Variants in IGF1R observed in about 807,000 individuals in gnomAD.
The protein encoded by IGF1R is insulin like growth factor 1 receptor.
Under a neutral mutation model 144.6 loss-of-function variants are expected in IGF1R, and 44 were observed. That is an observed-to-expected ratio of 0.30 (90% CI 0.24 to 0.39). IGF1R has a LOEUF of 0.39. Among genes scored for constraint, IGF1R ranks in the 10% least tolerant of loss-of-function variants. The pLI is 1.00. For missense variants in IGF1R, 1,355 were observed against 1,833.7 expected (o/e 0.74, Z 4.77); for synonymous variants, 795 against 722.8 (o/e 1.10, Z -1.60).
chr15:98,675,631 A>G (rs572028581), intron 1 of IGF1R, among the ~76,000 whole-genome samples: 65 of 152,274 alleles, frequency 4.3e-4, no homozygotes, highest in African/African-American at 1.5e-3. Flanking sequence ...TACTCAAGTC[A>G]AAATCGGTTA....
intron 20 of IGF1R, among the ~76,000 whole-genome samples, chr15:98,949,884 C>T (rs1461630419): frequency 1.3e-5 from 2 of 152,048 alleles, no homozygotes; most frequent in Non-Finnish European, 2.9e-5. Context: ...GCAGGGAGGC[C>T]TTGTTGTCCT....
chr15:98,655,802 T>C (rs2052472405), intron 1 of IGF1R, among the ~76,000 whole-genome samples: 1 of 151,966 alleles, frequency 6.6e-6, no homozygotes, highest in Non-Finnish European at 1.5e-5. Flanking sequence ...TGATTCTGCC[T>C]TGACCTCCCA....
At chr15:98,947,482 C>T (rs1446438810) in intron 19 of IGF1R, among the ~76,000 whole-genome samples, 1 of 151,884 alleles carries the variant, frequency 6.6e-6, no homozygotes, top group Non-Finnish European at 1.5e-5. Context: ...CACCCTGCTC[C>T]CGCCCCTACT....
At chr15:98,822,374 G>C (rs2056818269) in intron 2 of IGF1R, among the ~76,000 whole-genome samples, 2 of 152,206 alleles carry the variant, frequency 1.3e-5, no homozygotes, top group African/African-American at 4.8e-5. Context: ...TTTTAGGCTT[G>C]AGATGGCTTT....
At chr15:98,767,147 A>G (rs896528605) in intron 2 of IGF1R, among the ~76,000 whole-genome samples, 5 of 152,078 alleles carry the variant, frequency 3.3e-5, no homozygotes, top group African/African-American at 4.8e-5. Flanking sequence ...TGTACTCCCT[A>G]GATCATTATT....
chr15:98,649,390 G>C lies in IGF1R; in HGVS notation c.-192G>C. On this transcript the variant is annotated 5_prime_UTR_variant, in exon 1 of 21. Coordinates refer to ENST00000650285, the MANE Select transcript of IGF1R (RefSeq NM_000875.5). Reference sequence around the variant, plus strand: ...GCTGAGGGGCCGCCCCGCGCCGCCCGCCCCGTCCGCGCACCCGGAGGGCCC... The same window carrying C: ...GCTGAGGGGCCGCCCCGCGCCGCCCCCCCCGTCCGCGCACCCGGAGGGCCC... The C allele has an allele frequency of 6.4e-6, 2 of 313,996 alleles. No individual in the cohort carries two copies. Among genetic ancestry groups the C allele is most frequent in the Non-Finnish European group, 1.1e-5 (2 of 176,708 alleles). 19.5% of individuals were successfully genotyped at this position (313,996 alleles called of 1,614,324 possible). A position where few individuals can be genotyped will look rare whatever the true frequency, so the allele number is the denominator to read the frequency against.
Position 98,649,514 on chromosome 15 carries a change from T to A in IGF1R, c.-68T>A. Reference sequence around the variant, plus strand: ...CTTGTTTCCTTTCATTTCCTTTTTTTCTTTTCTTTTCTTTTTTTTTTTTTT... The same window carrying A: ...CTTGTTTCCTTTCATTTCCTTTTTTACTTTTCTTTTCTTTTTTTTTTTTTT... On this transcript the variant is annotated 5_prime_UTR_variant, in exon 1 of 21. Transcript: ENST00000650285. 1.0e-6 allele frequency: 1 copy of A among 981,528 alleles called. No homozygotes were observed. Among genetic ancestry groups the A allele is most frequent in the Non-Finnish European group, 1.5e-6 (1 of 662,480 alleles). The allele number at this position is 981,528 out of a possible 1,614,324, so 60.8% of individuals were successfully genotyped here.
intron 2 of IGF1R, among the ~76,000 whole-genome samples, chr15:98,730,087 T>C (rs2054462624): frequency 6.6e-6 from 1 of 152,200 alleles, no homozygotes; most frequent in Admixed American, 6.5e-5. Context: ...TGGATGTCTG[T>C]GTTGAGTTTT....
intron 2 of IGF1R, among the ~76,000 whole-genome samples, chr15:98,863,160 TTC>T: frequency 6.6e-6 from 1 of 152,364 alleles, no homozygotes; most frequent in African/African-American, 2.4e-5. Context: ...TAGAATATCT[TTC>T]TGTTAGAGTT....
intron 2 of IGF1R, among the ~76,000 whole-genome samples, chr15:98,710,215 C>T (rs764721994): frequency 6.6e-6 from 1 of 152,180 alleles, no homozygotes; most frequent in Non-Finnish European, 1.5e-5. Context: ...GCCCTGCAGC[C>T]TTCTCCTTGA....
intron 4 of IGF1R, chr15:98,897,353 A>G: frequency 5.3e-6 from 1 of 188,746 alleles, no homozygotes; most frequent in South Asian, 1.1e-4. Flanking sequence ...TTAAAATTTT[A>G]TGAAGTCCAA....
rs763743119 is a variant in IGF1R, at chr15:98,707,787, G to A, written c.320G>A (p.Arg107His). Residue 107 changes from arginine (R) to histidine (H), a missense_variant, in exon 2 of 21, where the codon CGC (arginine) becomes CAC (histidine). Arg to His is a conservative substitution (Grantham distance 29, BLOSUM62 0). This residue lies in a region of IGF1R where 75 missense variants were observed against 160.0 expected (regional missense o/e 0.47). Transcript: ENST00000650285. This position sits in a 1 kb window ranked among gnomAD's most constrained non-coding sequence, Gnocchi z 6.7. Reference protein sequence around the residue: ...GDLFPNLTVIRGWKLFYNYAL... With the variant: ...GDLFPNLTVIHGWKLFYNYAL... ...CTCTTCCCCAACCTCACGGTCATCC[G>A]CGGCTGGAAACTCTTCTACAACTAC... 6.2e-7 allele frequency: 1 copy of A among 1,614,154 alleles called. No homozygotes were observed. Among genetic ancestry groups the A allele is most frequent in the Non-Finnish European group, 8.5e-7 (1 of 1,180,022 alleles).
At chr15:98,932,361 A>T (rs1235906882) in intron 15 of IGF1R, among the ~76,000 whole-genome samples, 15 of 152,174 alleles carry the variant, frequency 9.9e-5, no homozygotes, top group Non-Finnish European at 2.2e-4. Flanking sequence ...CCAAAGCTAT[A>T]ATCTGCATGT....
Position 98,861,586 on chromosome 15 carries a change from A to G in IGF1R, c.641-29739A>G, listed in dbSNP as rs191478100. Among the ~76,000 whole-genome samples the G allele has an allele frequency of 1.6e-4, 25 of 152,322 alleles. 1 individual carries two copies. The East Asian group carries it at 4.2e-3, about 26-fold the overall frequency. ...AACTTGTTTTCATTTGGGAGACAGC[A>G]TGGTCTGACAGAGCCTAGATCCTGG... On this transcript the variant is annotated intron_variant, in intron 2 of 20. Transcript: ENST00000650285.
chr15:98,924,797 C>T, intron 13 of IGF1R, 113 bp downstream of exon 13: 2 of 1,000,922 alleles, frequency 2.0e-6, no homozygotes, highest in East Asian at 2.5e-5. Context: ...TGGAGTTGGC[C>T]AGCTTCCAGA....
chr15:98,749,957 T>G (rs1171583217), intron 2 of IGF1R, among the ~76,000 whole-genome samples: 3 of 152,064 alleles, frequency 2.0e-5, no homozygotes, highest in Non-Finnish European at 4.4e-5. Context: ...TATTTCTTAG[T>G]GAACAAAGAT....
At chr15:98,830,283 C>G (rs2056976307) in intron 2 of IGF1R, among the ~76,000 whole-genome samples, 1 of 152,230 alleles carries the variant, frequency 6.6e-6, no homozygotes, top group African/African-American at 2.4e-5. Flanking sequence ...CACAGCCACA[C>G]AGATAGGTTC....
chr15:98,720,991 A>C (rs1413642107), intron 2 of IGF1R, among the ~76,000 whole-genome samples: 7 of 152,166 alleles, frequency 4.6e-5, no homozygotes, highest in Non-Finnish European at 1.0e-4. Context: ...GGAGTGATCA[A>C]AGCAAAATTA....
At chr15:98,893,166 T>A (rs1005007731) in intron 3 of IGF1R, among the ~76,000 whole-genome samples, 18 of 152,198 alleles carry the variant, frequency 1.2e-4, no homozygotes, top group African/African-American at 4.3e-4. Flanking sequence ...TAAATATAAT[T>A]TTTGCTGCAG....
Sources: allele counts gnomAD v4.1 joint callset (sites outside exome capture counted in the v4.1 genomes callset), GRCh38; gene constraint gnomAD v4.1.1; regional missense constraint gnomAD v4.1.1; non-coding constraint Gnocchi (gnomAD v3.1); transcripts MANE v1.5; gene names NCBI Gene and HGNC (gene_info 2026-07-23, HGNC 2026-07-21).